AOPEP: variants seen among roughly 807,000 people sequenced by gnomAD.
AOPEP encodes aminopeptidase O.
A neutral mutation model predicts 98.1 loss-of-function variants in AOPEP; 77 were observed. The ratio of observed to expected loss-of-function variants is 0.78; its 90% CI spans 0.65 to 0.95. The LOEUF is 0.95. Ranked by LOEUF, AOPEP falls within the 40% of genes least tolerant of loss-of-function variation. The probability of loss-of-function intolerance (pLI) is 0.00; values close to 1 mark genes in which losing one functional copy is unlikely to be tolerated. For missense variants in AOPEP, 1,024 were observed against 1,024.7 expected (o/e 1.00, Z 0.01); for synonymous variants, 346 against 365.3 (o/e 0.95, Z 0.60).
chr9:94,955,038 G>C (rs1253795297), intron 7 of AOPEP, 139 bp from the exon 8 acceptor site: 1 of 545,370 alleles, frequency 1.8e-6, no homozygotes, highest in Non-Finnish European at 3.2e-6. Flanking sequence ...AATACAAACT[G>C]TTCTAAATTA....
downstream of AOPEP, among the ~76,000 whole-genome samples, chr9:95,087,482 CAAAAA>C (rs746666179): frequency 6.6e-3 from 248 of 37,394 alleles, 1 homozygote; most frequent in African/African-American, 0.022. Flanking sequence ...GACTCCATCT[CAAAAA>C]AAAAAAAAAA....
At chr9:94,871,279 C>T (rs2135623529) in intron 5 of AOPEP, among the ~76,000 whole-genome samples, 1 of 152,362 alleles carries the variant, frequency 6.6e-6, no homozygotes, top group South Asian at 2.1e-4. Flanking sequence ...ACTTTATCTA[C>T]AGGCCTCTGT....
chr9:95,144,914 G>A, the AOPEP span, among the ~76,000 whole-genome samples: 6 of 152,188 alleles, frequency 3.9e-5, no homozygotes, highest in South Asian at 2.1e-4. Context: ...CATAACGCTC[G>A]GACTCCTCAG....
chr9:94,978,572 C>T (rs1035889557), intron 10 of AOPEP, among the ~76,000 whole-genome samples: 1 of 152,076 alleles, frequency 6.6e-6, no homozygotes, highest in African/African-American at 2.4e-5. Context: ...TTGCTTCAGT[C>T]TGGGAGGAGG....
chr9:94,760,311 C>G lies in AOPEP; in HGVS notation c.528C>G (p.Leu176=). 1 of 1,614,158 alleles carries G rather than the reference C, an allele frequency of 6.2e-7. No homozygotes were observed. Residue 176 remains leucine, a synonymous_variant, in exon 2 of 17, where the codon CTC becomes CTG. Coordinates refer to ENST00000375315, the MANE Select transcript of AOPEP (RefSeq NM_001193329.3). ...GLEKFTRSPE[L]TVVSEEFRNQ... ...AAAAATTTACAAGGTCTCCTGAGCT[C>G]ACGGTTGTTTCTGAGGAGTTCAGGA...
intron 5 of AOPEP, among the ~76,000 whole-genome samples, chr9:94,803,981 T>C (rs1564165336): frequency 6.6e-6 from 1 of 152,212 alleles, no homozygotes; most frequent in Non-Finnish European, 1.5e-5. Context: ...TATGAAGATA[T>C]GCATGCATTT....
chr9:94,940,889 C>T (rs1475443543), intron 7 of AOPEP, among the ~76,000 whole-genome samples: 2 of 152,126 alleles, frequency 1.3e-5, no homozygotes, highest in Non-Finnish European at 2.9e-5. Context: ...GCATCTGCTC[C>T]TGTCTCTTGA....
intron 5 of AOPEP, among the ~76,000 whole-genome samples, chr9:94,903,781 A>G (rs2050746600): frequency 6.6e-6 from 1 of 150,704 alleles, no homozygotes; most frequent in Admixed American, 6.7e-5. Flanking sequence ...GGTACCTGCA[A>G]TCCCAGGGAG....
At chr9:94,827,679 T>G (rs1006932146) in intron 5 of AOPEP, among the ~76,000 whole-genome samples, 2 of 152,148 alleles carry the variant, frequency 1.3e-5, no homozygotes, top group African/African-American at 4.8e-5. Context: ...CTGACTGGTC[T>G]TTGTCCAAAT....
chr9:94,834,019 A>C (rs750456425), intron 5 of AOPEP, among the ~76,000 whole-genome samples: 1 of 152,192 alleles, frequency 6.6e-6, no homozygotes, highest in African/African-American at 2.4e-5. Context: ...AGTTACACCA[A>C]CCTGAATCTG....
chr9:94,863,756 A>G (rs1439185669), intron 5 of AOPEP, among the ~76,000 whole-genome samples: 1 of 152,202 alleles, frequency 6.6e-6, no homozygotes. Flanking sequence ...CTCATAGTAC[A>G]TAATAGCTTT....
At chr9:94,994,007 GT>G (rs2061062782) in intron 11 of AOPEP, among the ~76,000 whole-genome samples, 1 of 152,100 alleles carries the variant, frequency 6.6e-6, no homozygotes, top group South Asian at 2.1e-4. Flanking sequence ...GCTTCCTCTT[GT>G]TTTTCTCTGG....
chr9:94,947,912 A>G (rs888461352), intron 7 of AOPEP, among the ~76,000 whole-genome samples: 1 of 152,164 alleles, frequency 6.6e-6, no homozygotes, highest in Non-Finnish European at 1.5e-5. Context: ...TGGGATTCCC[A>G]TTACATTTGC....
At chr9:94,922,280 G>A (rs1174834166) in intron 5 of AOPEP, among the ~76,000 whole-genome samples, 1 of 152,138 alleles carries the variant, frequency 6.6e-6, no homozygotes. Flanking sequence ...GAGCGATTTC[G>A]CAGTCATCCA....
At chr9:95,124,888 T>C in the AOPEP span, among the ~76,000 whole-genome samples, 1 of 152,180 alleles carries the variant, frequency 6.6e-6, no homozygotes, top group Non-Finnish European at 1.5e-5. Context: ...CTTCTGGGTA[T>C]CAGGGCACGG....
chr9:94,942,882 G>A (rs753648644), intron 7 of AOPEP, among the ~76,000 whole-genome samples: 86 of 146,796 alleles, frequency 5.9e-4, no homozygotes, highest in Non-Finnish European at 9.5e-4. Context: ...TCCAGCCTAG[G>A]GGACACAGTG....
At chr9:94,919,466 G>A (rs1179410103) in intron 5 of AOPEP, among the ~76,000 whole-genome samples, 1 of 152,150 alleles carries the variant, frequency 6.6e-6, no homozygotes, top group Non-Finnish European at 1.5e-5. Flanking sequence ...CTGCCAGGCT[G>A]TCTGGGCCAC....
chr9:94,759,911 T>C lies in AOPEP; in HGVS notation c.128T>C (p.Ile43Thr), dbSNP rs759309223. ...GAAAGTCAAGTCATTGAGGGGACCA[T>C]AGTGCTTTTCCTCGAGGATGGAAAC... ...DFESQVIEGTIVLFLEDGNRF... is the reference protein window; with the variant it reads ...DFESQVIEGTTVLFLEDGNRF... Residue 43 changes from isoleucine (I) to threonine (T), a missense_variant, in exon 2 of 17, where the codon ATA becomes ACA. This residue lies in a region of AOPEP where 440 missense variants were observed against 433.8 expected (regional missense o/e 1.01). Transcript: ENST00000375315. The C allele has an allele frequency of 1.2e-6, 2 of 1,614,134 alleles. No homozygotes were observed. Among genetic ancestry groups the C allele is most frequent in the Non-Finnish European group, 1.7e-6 (2 of 1,180,038 alleles).
intron 5 of AOPEP, among the ~76,000 whole-genome samples, chr9:94,864,969 G>T (rs1293370125): frequency 6.6e-6 from 1 of 152,074 alleles, no homozygotes; most frequent in East Asian, 1.9e-4. Context: ...ATTGCTTAGG[G>T]TTAAGGAGCT....
Sources: gnomAD v4.1 joint callset for allele counts (sites outside exome capture counted in the v4.1 genomes callset) on GRCh38, gnomAD v4.1.1 for gene constraint, gnomAD v4.1.1 regional missense constraint, MANE v1.5 for transcripts, NCBI Gene and HGNC (gene_info 2026-07-23, HGNC 2026-07-21) for gene names.